Variants in HNMT observed in about 807,000 individuals in gnomAD.
HNMT encodes the protein histamine N-methyltransferase.
In HNMT, 30 loss-of-function variants were observed where a neutral mutation model predicts 32.1. The observed-to-expected ratio is 0.93, with a 90% CI of 0.70 to 1.27. The LOEUF (loss-of-function observed/expected upper bound fraction) is 1.27, where lower values mean the gene tolerates loss of function less well. Among genes scored for constraint, HNMT ranks in the 50% most tolerant of loss-of-function variants. HNMT has a pLI of 0.00. For synonymous variants in HNMT, 125 were observed against 119.0 expected, an observed-to-expected ratio of 1.05 and a Z score of -0.33; for missense variants, 327 against 346.0, an observed-to-expected ratio of 0.95 and a Z score of 0.43.
chr2:137,979,505 G>T (rs1244789787), intron 2 of HNMT, among the ~76,000 whole-genome samples: 2 of 151,864 alleles, frequency 1.3e-5, no homozygotes, highest in African/African-American at 2.4e-5. Context: ...ACCCACCTTG[G>T]CCTCCCAAAG....
chr2:137,988,604 G>C (rs551436593), intron 2 of HNMT: 1 of 152,106 alleles, frequency 6.6e-6, no homozygotes, highest in African/African-American at 2.4e-5. Flanking sequence ...GCCGGACGTG[G>C]TTACTCACGC....
chr2:137,979,072 CAT>C (rs781650390), intron 2 of HNMT, among the ~76,000 whole-genome samples: 6 of 143,140 alleles, frequency 4.2e-5, no homozygotes, highest in African/African-American at 1.0e-4. Flanking sequence ...TAGCATAGTT[CAT>C]ATATGTTTAT....
At position 138,015,701 on chromosome 2, in the gene HNMT, A is replaced by G. The variant is rs1307153656; in HGVS notation, c.*1571A>G. ...GTACTACTGACAAAGGAAATCTGTGAGGCACACATGATTGATGGGTATGGG... is the reference window on the plus strand; with the variant it reads ...GTACTACTGACAAAGGAAATCTGTGGGGCACACATGATTGATGGGTATGGG... On this transcript the variant is annotated 3_prime_UTR_variant, in exon 6 of 6. Coordinates refer to ENST00000280097, the MANE Select transcript of HNMT (RefSeq NM_006895.3). 6.6e-6 allele frequency: 1 copy of G among 152,180 alleles called. No individual in the cohort carries two copies. Among genetic ancestry groups the G allele is most frequent in the East Asian group, 1.9e-4 (1 of 5,196 alleles). The allele number at this position is 152,180 out of a possible 1,614,324, so 9.4% of individuals were successfully genotyped here.
At chr2:137,987,269 GA>G (rs1348335499) in intron 2 of HNMT, among the ~76,000 whole-genome samples, 2 of 152,104 alleles carry the variant, frequency 1.3e-5, no homozygotes, top group Non-Finnish European at 1.5e-5. Flanking sequence ...TCACATGTGG[GA>G]AGAGACTGAC....
At chr2:137,998,633 T>C (rs1681067985) in intron 2 of HNMT, among the ~76,000 whole-genome samples, 1 of 152,144 alleles carries the variant, frequency 6.6e-6, no homozygotes, top group Non-Finnish European at 1.5e-5. Flanking sequence ...CATATGTCAA[T>C]TGTGATTCTA....
rs1389301401 is a variant in HNMT at position 137,970,182 on chromosome 2, C to T, written c.155C>T (p.Ser52Leu). The part of the protein sequence containing the change: ...GIIGRIGDTK[S>L]EIKILSIGGG... ...TCTTTCAGGATTGGAGACACAAAAT[C>T]AGAAATTAAGATTCTAAGCATAGGC... The change falls in exon 2 of 6, where the codon TCA (serine) becomes TTA (leucine). Residue 52 changes from serine (S) to leucine (L), a missense_variant. By Grantham distance (145) the Ser-to-Leu change is moderately radical. Transcript: ENST00000280097. 1.9e-6 allele frequency: 3 copies of T among 1,575,112 alleles called. No individual in the cohort carries two copies. Among genetic ancestry groups the T allele is most frequent in the Non-Finnish European group, 2.6e-6 (3 of 1,151,882 alleles).
intron 2 of HNMT, among the ~76,000 whole-genome samples, chr2:137,988,946 T>A (rs1160460772): frequency 1.3e-5 from 2 of 152,230 alleles, no homozygotes; most frequent in Admixed American, 6.5e-5. Context: ...AAGTTTAGGG[T>A]TTGCAGATAA....
chr2:138,001,270 T>G (rs886728908), intron 3 of HNMT, among the ~76,000 whole-genome samples: 1 of 152,228 alleles, frequency 6.6e-6, no homozygotes, highest in Admixed American at 6.5e-5. Flanking sequence ...TACCTTTTGA[T>G]GTTTATGCTT....
At position 138,008,054 on chromosome 2, in the gene HNMT, CG is replaced by C. The variant is rs796858560; in HGVS notation, c.523+2835del. 1.3e-4 allele frequency among the ~76,000 whole-genome samples: 20 copies of C among 151,862 alleles called. 1 individual carries two copies. The highest frequency in any genetic ancestry group is 4.6e-4 in the African/African-American group (19 of 41,442). On this transcript the variant is annotated intron_variant, in intron 5 of 5. Coordinates refer to ENST00000280097, the MANE Select transcript of HNMT (RefSeq NM_006895.3). ...GGTTTGTCACATAGGTAAACGTGTCCGGGGGGTTGTTAAACAGATTATTTCA... is the reference window on the plus strand; with the variant it reads ...GGTTTGTCACATAGGTAAACGTGTCCGGGGGTTGTTAAACAGATTATTTCA...
intron 5 of HNMT, among the ~76,000 whole-genome samples, chr2:138,008,838 C>A (rs1417064296): frequency 3.3e-5 from 5 of 151,872 alleles, no homozygotes; most frequent in African/African-American, 1.2e-4. Context: ...GCAATACCAT[C>A]CTGCACATAG....
At chr2:137,967,301 G>T (rs1442634715) in intron 1 of HNMT, 1 of 552,380 alleles carries the variant, frequency 1.8e-6, no homozygotes, top group East Asian at 2.9e-5. Context: ...TACTCCAGAC[G>T]CTGAAGTGGG....
chr2:137,978,779 A>C (rs1436723052), intron 2 of HNMT, among the ~76,000 whole-genome samples: 10 of 139,682 alleles, frequency 7.2e-5, no homozygotes, highest in Non-Finnish European at 1.4e-4. Flanking sequence ...ATATAGTATT[A>C]TATAATACTT....
chr2:137,978,738 TATA>T (rs1385666068), intron 2 of HNMT, among the ~76,000 whole-genome samples: 1 of 140,324 alleles, frequency 7.1e-6, no homozygotes, highest in African/African-American at 2.6e-5. Context: ...GATTATATAA[TATA>T]GTATTATACA....
chr2:137,968,310 G>A lies in HNMT; in HGVS notation c.138-1855G>A, dbSNP rs190610110. On this transcript the variant is annotated intron_variant, in intron 1 of 5. Transcript: ENST00000280097. ...GATGTCATTATAATATGTGAAATGG[G>A]ATGAATAATAGTATCTAACTCATAG... 6.3e-3 allele frequency among the ~76,000 whole-genome samples: 958 copies of A among 152,236 alleles called. 6 individuals are homozygous for A. Among genetic ancestry groups the A allele is most frequent in the Non-Finnish European group, 9.1e-3 (616 of 68,016 alleles).
chr2:137,999,986 G>A (rs1319908606), intron 2 of HNMT, among the ~76,000 whole-genome samples: 2 of 151,658 alleles, frequency 1.3e-5, no homozygotes, highest in African/African-American at 4.8e-5. Flanking sequence ...AGTAAGTGAA[G>A]AAGACAGGTT....
intron 2 of HNMT, chr2:137,981,285 A>G: frequency 6.2e-7 from 1 of 1,613,724 alleles, no homozygotes; most frequent in Non-Finnish European, 8.5e-7. Flanking sequence ...AGCACCCGTC[A>G]GAAAGACAAG....
At chr2:137,972,383 G>C (rs1439774814) in intron 2 of HNMT, among the ~76,000 whole-genome samples, 1 of 152,138 alleles carries the variant, frequency 6.6e-6, no homozygotes, top group Non-Finnish European at 1.5e-5. Flanking sequence ...TGAGATTACA[G>C]GCATGAGCCA....
chr2:137,997,778 GC>G (rs2104969653), intron 2 of HNMT, among the ~76,000 whole-genome samples: 1 of 152,272 alleles, frequency 6.6e-6, no homozygotes, highest in Non-Finnish European at 1.5e-5. Flanking sequence ...CAACCCAAAT[GC>G]CCATCGGTGA....
intron 2 of HNMT, among the ~76,000 whole-genome samples, chr2:137,991,174 C>A (rs1021687443): frequency 6.6e-6 from 1 of 152,190 alleles, no homozygotes; most frequent in African/African-American, 2.4e-5. Flanking sequence ...AGCTTTCATG[C>A]TCTGCCTGGA....
Sources: gnomAD v4.1 joint callset for allele counts (sites outside exome capture counted in the v4.1 genomes callset) on GRCh38, gnomAD v4.1.1 for gene constraint, MANE v1.5 for transcripts, NCBI Gene and HGNC (gene_info 2026-07-23, HGNC 2026-07-21) for gene names.